ADAM7: variants seen among roughly 807,000 people sequenced by gnomAD.
ADAM7 encodes the protein disintegrin and metalloproteinase domain-containing protein 7.
In ADAM7, 97 loss-of-function variants were observed where a neutral mutation model predicts 102.9. The ratio of observed to expected loss-of-function variants is 0.94; its 90% CI spans 0.80 to 1.12. The LOEUF (loss-of-function observed/expected upper bound fraction) is 1.12, where lower values mean the gene tolerates loss of function less well. Among genes scored for constraint, ADAM7 ranks in the 50% most tolerant of loss-of-function variants. The pLI is 0.00. For missense variants in ADAM7, 991 were observed against 908.7 expected, an observed-to-expected ratio of 1.09 and a Z score of -1.16; for synonymous variants, 334 against 304.4, an observed-to-expected ratio of 1.10 and a Z score of -1.01.
At chr8:24,473,677 A>G (rs1186634650) in intron 7 of ADAM7, among the ~76,000 whole-genome samples, 1 of 152,174 alleles carries the variant, frequency 6.6e-6, no homozygotes, top group Non-Finnish European at 1.5e-5. Context: ...AGATCTAGAC[A>G]TGATCTTATG....
At chr8:24,500,077 T>C in intron 17 of ADAM7, 101 bp from the exon 18 acceptor site, 1 of 918,382 alleles carries the variant, frequency 1.1e-6, no homozygotes, top group African/African-American at 1.7e-5. Flanking sequence ...CTTGTGCTTG[T>C]GTGCATGTAT....
intron 2 of ADAM7, among the ~76,000 whole-genome samples, chr8:24,446,440 C>G (rs775704522): frequency 6.6e-6 from 1 of 152,076 alleles, no homozygotes; most frequent in Non-Finnish European, 1.5e-5. Flanking sequence ...CTAAACATGA[C>G]CACTTCCTTT....
chr8:24,481,061 CAAA>C lies in ADAM7; in HGVS notation c.706-1078_706-1076del, dbSNP rs573637484. Among the ~76,000 whole-genome samples the C allele has an allele frequency of 2.5e-3, 339 of 133,006 alleles. 1 individual carries two copies. Among genetic ancestry groups the C allele is most frequent in the African/African-American group, 8.7e-3 (315 of 36,198 alleles). 87.3% of individuals were successfully genotyped at this position (133,006 alleles called of 152,430 possible). A position where few individuals can be genotyped will look rare whatever the true frequency, so the allele number is the denominator to read the frequency against. ...TGGGTGACAGAATGAGACCCTGTCT[CAAA>C]AACAAACAAACAAACAAACAAACAA... On this transcript the variant is annotated intron_variant, in intron 8 of 21. Coordinates refer to ENST00000175238, the MANE Select transcript of ADAM7 (RefSeq NM_003817.4).
intron 7 of ADAM7, among the ~76,000 whole-genome samples, chr8:24,470,996 A>G (rs1020872915): frequency 1.3e-5 from 2 of 152,100 alleles, no homozygotes; most frequent in African/African-American, 4.8e-5. Flanking sequence ...GTGGGACAAG[A>G]TATGGAGGTG....
Position 24,482,231 on chromosome 8 carries a change from A to T in ADAM7, c.795A>T (p.Glu265Asp). The T allele has an allele frequency of 6.2e-7, 1 of 1,610,622 alleles. No homozygotes were observed. Among genetic ancestry groups the T allele is most frequent in the Admixed American group, 1.7e-5 (1 of 59,508 alleles). Residue 265 changes from glutamate to aspartate, a missense_variant, in exon 9 of 22, where the codon GAA becomes GAT. Physicochemically the swap from Glu to Asp is conservative, Grantham distance 45. Transcript: ENST00000175238. Reference protein sequence around the residue: ...EDKIELYSNIETTLLRFSFWQ... With the variant: ...EDKIELYSNIDTTLLRFSFWQ... ...AAATAGAACTATATTCAAATATAGA[A>T]ACTACCTTATTGCGTTTTTCATTTT...
chr8:24,448,032 C>T (rs1252275202), intron 3 of ADAM7, among the ~76,000 whole-genome samples: 1 of 150,726 alleles, frequency 6.6e-6, no homozygotes, highest in Non-Finnish European at 1.5e-5. Context: ...ACAAATGTGC[C>T]GAATAATAAA....
intron 14 of ADAM7, 148 bp from the exon 15 acceptor site, chr8:24,492,347 G>A: frequency 1.4e-6 from 1 of 690,850 alleles, no homozygotes; most frequent in South Asian, 2.4e-5. Context: ...TTCTCCTGAG[G>A]CAATAGGATA....
At chr8:24,470,291 G>A (rs139520617) in intron 7 of ADAM7, among the ~76,000 whole-genome samples, 27 of 151,960 alleles carry the variant, frequency 1.8e-4, no homozygotes, top group South Asian at 4.2e-4. Context: ...TAATATATTC[G>A]GAGAAAGAAA....
Position 24,482,283 on chromosome 8 carries a change from A to G in ADAM7, c.847A>G (p.Lys283Glu), listed in dbSNP as rs769347524. The stretch of plus-strand genomic sequence containing the variant: ...GCAAGAAAAGATCCTTAAAACACGG[A>G]AGGATTTTGATCATGTTGTATTACT... ...FWQEKILKTR[K>E]DFDHVVLLSG... The change falls in exon 9 of 22, where the codon AAG becomes GAG. Residue 283 changes from lysine to glutamate, a missense_variant. Lys to Glu is a moderately conservative substitution (Grantham distance 56). Transcript: ENST00000175238. 2 of 1,611,434 alleles carry G rather than the reference A, an allele frequency of 1.2e-6. No individual in the cohort carries two copies. Among genetic ancestry groups the G allele is most frequent in the Middle Eastern group, 1.7e-4 (1 of 6,036 alleles).
chr8:24,455,110 G>A (rs1490423049), intron 3 of ADAM7, among the ~76,000 whole-genome samples: 1 of 151,598 alleles, frequency 6.6e-6, no homozygotes, highest in African/African-American at 2.4e-5. Flanking sequence ...CTATTTACCT[G>A]TTGCATCTAG....
At chr8:24,451,574 AT>A (rs1818791306) in intron 3 of ADAM7, among the ~76,000 whole-genome samples, 1 of 152,040 alleles carries the variant, frequency 6.6e-6, no homozygotes, top group African/African-American at 2.4e-5. Context: ...TGGTCTAACA[AT>A]TTTGTTGATC....
rs1821044891 is a variant in ADAM7, at chr8:24,509,412, C to G, written c.*866C>G. On this transcript the variant is annotated 3_prime_UTR_variant, in exon 22 of 22. Coordinates refer to ENST00000175238, the MANE Select transcript of ADAM7 (RefSeq NM_003817.4). ...AGCTGCTTCTTACACAGATGCCTCTCAAGGTGTTCTTTTGTGTCCTCTATT... is the reference window on the plus strand; with the variant it reads ...AGCTGCTTCTTACACAGATGCCTCTGAAGGTGTTCTTTTGTGTCCTCTATT... 1 of 985,324 alleles carries G rather than the reference C, an allele frequency of 1.0e-6. No homozygotes were observed. Among genetic ancestry groups the G allele is most frequent in the South Asian group, 4.7e-5 (1 of 21,298 alleles). The allele number at this position is 985,324 out of a possible 1,614,324, so 61.0% of individuals were successfully genotyped here.
Position 24,491,947 on chromosome 8 carries a change from T to G in ADAM7, c.1401T>G (p.Cys467Trp). 2.5e-6 allele frequency: 4 copies of G among 1,613,348 alleles called. No individual in the cohort carries two copies. The highest frequency in any genetic ancestry group is 3.4e-6 in the Non-Finnish European group (4 of 1,179,694). The change falls in exon 14 of 22, where the codon TGT becomes TGG. Residue 467 changes from cysteine to tryptophan, a missense_variant. By Grantham distance (215) the Cys-to-Trp change is radical. Transcript: ENST00000175238. ...GSICRPAKDE[C>W]DFPEMCTGHS... Reference sequence around the variant, plus strand: ...TATGCAGACCGGCGAAAGATGAATGTGATTTTCCTGAGATGTGCACTGGCC... The same window carrying G: ...TATGCAGACCGGCGAAAGATGAATGGGATTTTCCTGAGATGTGCACTGGCC...
At position 24,509,366 on chromosome 8, in the gene ADAM7, G is replaced by GGTT; in HGVS notation, c.*820_*821insGTT. 1 of 985,178 alleles carries GGTT rather than the reference G, an allele frequency of 1.0e-6. No homozygotes were observed. 61.0% of individuals were successfully genotyped at this position (985,178 alleles called of 1,614,324 possible). A position where few individuals can be genotyped will look rare whatever the true frequency, so the allele number is the denominator to read the frequency against. On this transcript the variant is annotated 3_prime_UTR_variant, in exon 22 of 22. Transcript: ENST00000175238. ...CCTATCCGTTTGTTATGGGATGGGG[G>GGTT]ATTACCCTGGGAATGATTTCAGCTG...
chr8:24,450,192 C>T (rs910708685), intron 3 of ADAM7, among the ~76,000 whole-genome samples: 7 of 152,122 alleles, frequency 4.6e-5, no homozygotes, highest in Non-Finnish European at 1.0e-4. Context: ...TGAAGAAAGT[C>T]ATTGGTAGCT....
At chr8:24,493,368 C>T in intron 16 of ADAM7, 139 bp downstream of exon 16, 1 of 725,856 alleles carries the variant, frequency 1.4e-6, no homozygotes, top group South Asian at 2.8e-5. Context: ...TAATGAGGAG[C>T]AGAGTAGCAA....
intron 1 of ADAM7, among the ~76,000 whole-genome samples, chr8:24,442,172 T>A (rs970057400): frequency 1.3e-5 from 2 of 152,004 alleles, no homozygotes; most frequent in Non-Finnish European, 2.9e-5. Flanking sequence ...AGACTCTGTC[T>A]CAAAAAAATA....
In ADAM7 at chr8:24,476,474, A is replaced by G; in HGVS notation, c.675A>G (p.Arg225=). The change falls in exon 8 of 22, where the codon CGA becomes CGG. Residue 225 remains arginine, a synonymous_variant. Transcript: ENST00000175238. ...NGHPHNKLRN[R]IWGMVNFVNM... ...ATCCTCACAATAAACTAAGGAACCG[A>G]ATTTGGGGAATGGTCAATTTTGTCA... The G allele has an allele frequency of 6.2e-7, 1 of 1,609,278 alleles. No individual in the cohort carries two copies. Among genetic ancestry groups the G allele is most frequent in the Non-Finnish European group, 8.5e-7 (1 of 1,176,856 alleles).
intron 3 of ADAM7, among the ~76,000 whole-genome samples, chr8:24,462,508 T>G (rs1026455978): frequency 2.0e-5 from 3 of 152,200 alleles, no homozygotes; most frequent in South Asian, 2.1e-4. Flanking sequence ...CTGTGCCTTC[T>G]TCACCTCTCA....
Sources: gnomAD v4.1 joint callset for allele counts (sites outside exome capture counted in the v4.1 genomes callset) on GRCh38, gnomAD v4.1.1 for gene constraint, MANE v1.5 for transcripts, NCBI Gene and HGNC (gene_info 2026-07-23, HGNC 2026-07-21) for gene names.